Variants in ENOPH1 observed in about 807,000 individuals in gnomAD.
ENOPH1 encodes the protein enolase-phosphatase E1.
A neutral mutation model predicts 31.1 loss-of-function variants in ENOPH1; 14 were observed. The ratio of observed to expected loss-of-function variants is 0.45; its 90% confidence interval spans 0.30 to 0.70. The LOEUF is 0.70. Among genes scored for constraint, ENOPH1 ranks in the 30% least tolerant of loss-of-function variants. ENOPH1 has a pLI of 0.09. For missense variants in ENOPH1, 243 were observed against 321.5 expected, an observed-to-expected ratio of 0.76 and a Z score of 1.87; for synonymous variants, 127 against 123.2, an observed-to-expected ratio of 1.03 and a Z score of -0.21.
At chr4:82,431,358 A>G (rs1721754351) in intron 1 of ENOPH1, among the ~76,000 whole-genome samples, 1 of 152,260 alleles carries the variant, frequency 6.6e-6, no homozygotes, top group African/African-American at 2.4e-5. Flanking sequence ...CTGAAGTGTC[A>G]AGATGACTTT....
intron 3 of ENOPH1, among the ~76,000 whole-genome samples, chr4:82,453,149 C>T (rs946731698): frequency 2.0e-5 from 3 of 151,092 alleles, no homozygotes; most frequent in African/African-American, 7.3e-5. Flanking sequence ...GATCCGCCCC[C>T]CCTTGGCCTC....
chr4:82,442,300 A>G (rs1722061125), intron 1 of ENOPH1, among the ~76,000 whole-genome samples: 1 of 152,200 alleles, frequency 6.6e-6, no homozygotes, highest in Non-Finnish European at 1.5e-5. Context: ...GCGGGGGATC[A>G]TCAGAGGTCA....
intron 3 of ENOPH1, among the ~76,000 whole-genome samples, chr4:82,453,200 G>A (rs1036654119): frequency 4.6e-5 from 7 of 152,124 alleles, no homozygotes; most frequent in Admixed American, 3.9e-4. Context: ...CTGCACCTGG[G>A]TGTGAAATTC....
rs145379220 is a variant in ENOPH1, at chr4:82,452,334, G to A, written c.389+1089G>A. 4.2e-3 allele frequency among the ~76,000 whole-genome samples: 640 copies of A among 152,202 alleles called. 4 individuals are homozygous for A. Among genetic ancestry groups the A allele is most frequent in the Non-Finnish European group, 4.4e-3 (301 of 68,012 alleles). On this transcript the variant is annotated intron_variant, in intron 3 of 5. Transcript: ENST00000273920. ...TTGTTTCTGTTTTTGCTTTGAGACC[G>A]AGTCTTGCTCTTTGCCCAGGCTGGA...
chr4:82,452,931 T>C (rs1722389141), intron 3 of ENOPH1, among the ~76,000 whole-genome samples: 1 of 147,020 alleles, frequency 6.8e-6, no homozygotes, highest in Admixed American at 6.8e-5. Flanking sequence ...AGACGGAGTC[T>C]TGCTCTGTCA....
chr4:82,448,780 C>T (rs1394523269), intron 2 of ENOPH1, among the ~76,000 whole-genome samples: 1 of 150,826 alleles, frequency 6.6e-6, no homozygotes. Flanking sequence ...AAAATTAGGC[C>T]GGGCGCGGTG....
At chr4:82,435,042 A>C (rs988204906) in intron 1 of ENOPH1, among the ~76,000 whole-genome samples, 6 of 152,172 alleles carry the variant, frequency 3.9e-5, no homozygotes, top group African/African-American at 9.7e-5. Context: ...ACCGCATCTA[A>C]ATCCACCGCC....
intron 1 of ENOPH1, among the ~76,000 whole-genome samples, chr4:82,444,389 A>C (rs898727023): frequency 6.6e-6 from 1 of 151,736 alleles, no homozygotes; most frequent in Admixed American, 6.6e-5. Flanking sequence ...GCCCCGACTA[A>C]TTTTTGTTTT....
At position 82,433,087 on chromosome 4, in the gene ENOPH1, C is replaced by G. The variant is rs181108096; in HGVS notation, c.84+2174C>G. Among the ~76,000 whole-genome samples the G allele has an allele frequency of 7.9e-5, 12 of 152,306 alleles. No homozygotes were observed. The East Asian group carries it at 9.6e-4, about 12-fold the overall frequency. On this transcript the variant is annotated intron_variant, in intron 1 of 5. Transcript: ENST00000273920. ...TAGTTAACAGCTCACTCGTTCCACT[C>G]TGGCTCTCTCTTGCTTTCTGCGGTC... is the stretch of plus-strand genomic sequence containing the variant.
At chr4:82,438,592 G>T (rs930000520) in intron 1 of ENOPH1, among the ~76,000 whole-genome samples, 1 of 152,234 alleles carries the variant, frequency 6.6e-6, no homozygotes, top group Admixed American at 6.5e-5. Context: ...GGTAGAGACT[G>T]TGGTGAGGTG....
chr4:82,454,034 C>T (rs907244491), intron 3 of ENOPH1, among the ~76,000 whole-genome samples: 41 of 137,404 alleles, frequency 3.0e-4, no homozygotes, highest in African/African-American at 1.1e-3. Flanking sequence ...GGCAAAGCAC[C>T]ATCTCTACAA....
rs1225618629 is a variant in ENOPH1, at chr4:82,460,858, CCTTT to C, written c.*741_*744del. On this transcript the variant is annotated 3_prime_UTR_variant, in exon 6 of 6. Coordinates refer to ENST00000273920, the MANE Select transcript of ENOPH1 (RefSeq NM_021204.5). ...GTTATCATTATAGATTTTATAGTTG[CCTTT>C]CTAACTACTTAGCACAGTTTGAGAA... The C allele has an allele frequency of 6.6e-6, 1 of 152,158 alleles. No individual in the cohort carries two copies. Among genetic ancestry groups the C allele is most frequent in the Non-Finnish European group, 1.5e-5 (1 of 68,030 alleles). The allele number at this position is 152,158 out of a possible 1,614,324, so 9.4% of individuals were successfully genotyped here.
In ENOPH1 at chr4:82,460,571, T is replaced by A. The variant is rs1330929529; in HGVS notation, c.*451T>A. The A allele has an allele frequency of 6.5e-6, 1 of 153,092 alleles. No homozygotes were observed. Among genetic ancestry groups the A allele is most frequent in the African/African-American group, 2.4e-5 (1 of 41,468 alleles). 9.5% of individuals were successfully genotyped at this position (153,092 alleles called of 1,614,324 possible). On this transcript the variant is annotated 3_prime_UTR_variant, in exon 6 of 6. Transcript: ENST00000273920. The stretch of plus-strand genomic sequence containing the variant: ...ATTGCCCTTGTGATTTAGAAGATTA[T>A]AACAGCTGTATTTCATATTTGCCTC...
At chr4:82,457,167 A>T in intron 5 of ENOPH1, 129 bp downstream of exon 5, 2 of 893,108 alleles carry the variant, frequency 2.2e-6, no homozygotes, top group Non-Finnish European at 3.2e-6. Context: ...ACGGTTTTAT[A>T]TAAAGAAACA....
chr4:82,451,972 G>A (rs532344234), intron 3 of ENOPH1, among the ~76,000 whole-genome samples: 1 of 152,122 alleles, frequency 6.6e-6, no homozygotes, highest in South Asian at 2.1e-4. Flanking sequence ...GTACAGATGG[G>A]GTTCTACCAT....
chr4:82,460,176 A>G lies in ENOPH1; in HGVS notation c.*56A>G, dbSNP rs1722610076. On this transcript the variant is annotated 3_prime_UTR_variant, in exon 6 of 6. Transcript: ENST00000273920. ...CCCCAGAGTTGTCCCTGTAGTGTCT[A>G]GGTTTATTCTAATGGTAAAAGTAAC... The G allele has an allele frequency of 6.3e-7, 1 of 1,575,500 alleles. No individual in the cohort carries two copies. The highest frequency in any genetic ancestry group is 1.4e-5 in the African/African-American group (1 of 73,848).
chr4:82,459,684 A>G (rs777069976), intron 5 of ENOPH1, among the ~76,000 whole-genome samples: 2 of 152,154 alleles, frequency 1.3e-5, no homozygotes, highest in Non-Finnish European at 2.9e-5. Context: ...ACATGGCTCC[A>G]TCCTTCTGCA....
intron 2 of ENOPH1, among the ~76,000 whole-genome samples, chr4:82,449,233 C>T (rs1018239494): frequency 1.3e-5 from 2 of 152,114 alleles, no homozygotes; most frequent in African/African-American, 2.4e-5. Context: ...GAGCAAGACT[C>T]CGTCTCAAAA....
Position 82,430,629 on chromosome 4 carries a change from C to A in ENOPH1, c.-201C>A, listed in dbSNP as rs572541151. On this transcript the variant is annotated 5_prime_UTR_variant, in exon 1 of 6. Transcript: ENST00000273920. ...CCCCGTCCTGCTCACGAGTTCAGGG[C>A]TCCTGGGCGGCCGCCTTTTCCAGTT... The A allele has an allele frequency of 8.7e-6, 5 of 574,954 alleles. No individual in the cohort carries two copies. In the Admixed American group the frequency reaches 1.2e-4, roughly 14 times the overall value. 35.6% of individuals were successfully genotyped at this position (574,954 alleles called of 1,614,324 possible). A position where few individuals can be genotyped will look rare whatever the true frequency, so the allele number is the denominator to read the frequency against.
Sources: gnomAD v4.1 joint callset for allele counts (sites outside exome capture counted in the v4.1 genomes callset) on GRCh38, gnomAD v4.1.1 for gene constraint, MANE v1.5 for transcripts, NCBI Gene and HGNC (gene_info 2026-07-23, HGNC 2026-07-21) for gene names.